Variants in MDM2 observed in about 807,000 individuals in gnomAD.
MDM2 encodes E3 ubiquitin-protein ligase Mdm2.
MDM2 carries 11 observed loss-of-function variants against 64.3 expected under a neutral mutation model. That is an observed-to-expected ratio of 0.17 (90% CI 0.11 to 0.28). The LOEUF (loss-of-function observed/expected upper bound fraction) is 0.28, where lower values mean the gene tolerates loss of function less well. Ranked by LOEUF, MDM2 falls within the 10% of genes least tolerant of loss-of-function variation. MDM2 has a pLI of 1.00. For synonymous variants in MDM2, 194 were observed against 192.9 expected, an observed-to-expected ratio of 1.01 and a Z score of -0.05; for missense variants, 388 against 577.1, an observed-to-expected ratio of 0.67 and a Z score of 3.36.
chr12:68,839,508 G>A lies in MDM2; in HGVS notation c.1153G>A (p.Asp385Asn), dbSNP rs769693191. 2 of 1,613,966 alleles carry A rather than the reference G, an allele frequency of 1.2e-6. No homozygotes were observed. The highest frequency in any genetic ancestry group is 4.5e-5 in the East Asian group (2 of 44,862). The stretch of plus-strand genomic sequence containing the variant: ...CAGAGAGTCATGTGTTGAGGAAAAT[G>A]ATGATAAAATTACACAAGCTTCACA... ...DSRESCVEEN[D>N]DKITQASQSQ... Residue 385 changes from aspartate to asparagine, a missense_variant, in exon 11 of 11, where the codon GAT (aspartate) becomes AAT (asparagine). Asp to Asn is a conservative substitution (Grantham distance 23, BLOSUM62 1). Around this residue, in one of 5 missense-constraint regions of MDM2, gnomAD observed 138 missense variants for 143.7 expected, o/e 0.96. Transcript: ENST00000258149.
chr12:68,834,317 C>G (rs779601429), intron 8 of MDM2, among the ~76,000 whole-genome samples: 4 of 152,146 alleles, frequency 2.6e-5, no homozygotes, highest in Non-Finnish European at 5.9e-5. Context: ...TAGTGGACAC[C>G]TGTAATCTCA....
intron 8 of MDM2, 44 bp from the exon 9 acceptor site, chr12:68,835,785 A>G (rs1883258494): frequency 6.3e-7 from 1 of 1,576,390 alleles, no homozygotes; most frequent in Non-Finnish European, 8.6e-7. Context: ...TACAGAGGTC[A>G]AGAGGTGATG....
intron 2 of MDM2, among the ~76,000 whole-genome samples, chr12:68,811,673 C>T (rs1202249409): frequency 7.1e-6 from 1 of 140,544 alleles, no homozygotes; most frequent in Non-Finnish European, 1.5e-5. Flanking sequence ...GGCATGATCT[C>T]GGCTCACTGC....
chr12:68,833,265 T>TTATATATTTATATAAATATAAATA (rs1275566750), intron 8 of MDM2, among the ~76,000 whole-genome samples: 45 of 52,474 alleles, frequency 8.6e-4, no homozygotes, highest in African/African-American at 2.1e-3. Context: ...ATTTATATAA[T>TTATATATTTATATAAATATAAATA]TATATATTTA....
intron 7 of MDM2, 97 bp downstream of exon 7, chr12:68,824,748 T>A: frequency 2.5e-6 from 2 of 800,636 alleles, no homozygotes; most frequent in Non-Finnish European, 4.0e-6. Context: ...TTGTTCCCTT[T>A]TTTTGGTTGA....
intron 8 of MDM2, among the ~76,000 whole-genome samples, chr12:68,829,765 CAA>C (rs10658881): frequency 1.7e-3 from 175 of 104,860 alleles, no homozygotes; most frequent in Admixed American, 3.5e-3. Flanking sequence ...GACTCCATCT[CAA>C]AAAAAAAAAA....
At position 68,843,295 on chromosome 12, in the gene MDM2, T is replaced by TGA. The variant is rs138844063; in HGVS notation, c.*3466_*3467dup. The stretch of plus-strand genomic sequence containing the variant: ...AGTACTAATCCCTTTGGCCATTTAT[T>TGA]GAGAGAGAGAGAGAGAGAGAGTAGG... On this transcript the variant is annotated 3_prime_UTR_variant, in exon 11 of 11. Transcript: ENST00000258149. 4.1e-3 allele frequency: 900 copies of TGA among 217,446 alleles called. No individual in the cohort carries two copies. Among genetic ancestry groups the TGA allele is most frequent in the Non-Finnish European group, 5.7e-3 (628 of 109,436 alleles). The allele number at this position is 217,446 out of a possible 1,614,324, so 13.5% of individuals were successfully genotyped here. A position where few individuals can be genotyped will look rare whatever the true frequency, so the allele number is the denominator to read the frequency against.
Position 68,824,450 on chromosome 12 carries a change from C to T in MDM2, c.426+20C>T, listed in dbSNP as rs143758848. On this transcript the variant is annotated intron_variant, in intron 6 of 10. Coordinates refer to ENST00000258149, the MANE Select transcript of MDM2 (RefSeq NM_002392.6). ...CAAAAGGTAATCTAAGTAAATTTCT[C>T]ATTCTAATGTAATATTATTTGCAAA... is the stretch of plus-strand genomic sequence containing the variant. The T allele has an allele frequency of 3.7e-6, 6 of 1,609,166 alleles. No homozygotes were observed. In the East Asian group the frequency reaches 1.1e-4, roughly 30 times the overall value.
At chr12:68,813,001 ATGTT>A (rs1881040724) in intron 2 of MDM2, among the ~76,000 whole-genome samples, 1 of 152,142 alleles carries the variant, frequency 6.6e-6, no homozygotes, top group South Asian at 2.1e-4. Context: ...AGCTCAATAA[ATGTT>A]TGTCAAGTAG....
At chr12:68,826,635 T>A in intron 7 of MDM2, among the ~76,000 whole-genome samples, 1 of 124,076 alleles carries the variant, frequency 8.1e-6, no homozygotes. Context: ...GGGTACAGAG[T>A]GAGACTCCCT....
chr12:68,826,345 C>T (rs886119229), intron 7 of MDM2, among the ~76,000 whole-genome samples: 1 of 151,798 alleles, frequency 6.6e-6, no homozygotes, highest in East Asian at 1.9e-4. Context: ...TTAAATTTTT[C>T]GGATTATAAA....
At position 68,820,521 on chromosome 12, in the gene MDM2, A is replaced by C; in HGVS notation, c.358+147A>C. The C allele has an allele frequency of 4.6e-6, 3 of 655,404 alleles. No homozygotes were observed. The South Asian group carries it at 5.6e-5, about 12-fold the overall frequency. 40.6% of individuals were successfully genotyped at this position (655,404 alleles called of 1,614,324 possible). Reference sequence around the variant, plus strand: ...ATAAAAGTATGATAAATTTATTAGAAGTACATATGAACTAAAACCACATAC... The same window carrying C: ...ATAAAAGTATGATAAATTTATTAGACGTACATATGAACTAAAACCACATAC... On this transcript the variant is annotated intron_variant, in intron 5 of 10. Coordinates refer to ENST00000258149, the MANE Select transcript of MDM2 (RefSeq NM_002392.6).
rs1883573043 is a variant in MDM2, at chr12:68,839,472, G to A, written c.1117G>A (p.Val373Met). 1 of 1,613,812 alleles carries A rather than the reference G, an allele frequency of 6.2e-7. No homozygotes were observed. The highest frequency in any genetic ancestry group is 1.1e-5 in the South Asian group (1 of 91,086). Residue 373 changes from valine (V) to methionine (M), a missense_variant, in exon 11 of 11, where the codon GTG becomes ATG. Val to Met is a conservative substitution (Grantham distance 21, BLOSUM62 1). This residue lies in a region of MDM2 where 138 missense variants were observed against 143.7 expected (regional missense o/e 0.96). Coordinates refer to ENST00000258149, the MANE Select transcript of MDM2 (RefSeq NM_002392.6). The stretch of plus-strand genomic sequence containing the variant: ...TGTTCCTGATTGTAAAAAAACTATA[G>A]TGAATGATTCCAGAGAGTCATGTGT... ...FDVPDCKKTIVNDSRESCVEE... is the reference protein window; with the variant it reads ...FDVPDCKKTIMNDSRESCVEE...
chr12:68,842,125 A>C lies in MDM2; in HGVS notation c.*2276A>C. 1 of 434,426 alleles carries C rather than the reference A, an allele frequency of 2.3e-6. No individual in the cohort carries two copies. The highest frequency in any genetic ancestry group is 3.5e-4 in the Middle Eastern group (1 of 2,892). 26.9% of individuals were successfully genotyped at this position (434,426 alleles called of 1,614,324 possible). On this transcript the variant is annotated 3_prime_UTR_variant, in exon 11 of 11. Transcript: ENST00000258149. The stretch of plus-strand genomic sequence containing the variant: ...TGAGCTTACAGTGGATTTGAATTTG[A>C]AAAATATAGTAACAAGCCTGTCAAA...
chr12:68,808,969 C>T (rs1880612201), intron 1 of MDM2: 3 of 1,411,196 alleles, frequency 2.1e-6, no homozygotes, highest in East Asian at 2.6e-5. Context: ...GGAGTTAAGT[C>T]CTGACTTGTC....
chr12:68,808,993 A>G (rs1051603150), intron 1 of MDM2: 16 of 1,444,534 alleles, frequency 1.1e-5, no homozygotes, highest in Middle Eastern at 2.6e-4. Context: ...AGCTGGGGCT[A>G]TTTAAACCAT....
chr12:68,812,379 G>A (rs527660978), intron 2 of MDM2, among the ~76,000 whole-genome samples: 14 of 152,356 alleles, frequency 9.2e-5, no homozygotes, highest in South Asian at 2.1e-4. Flanking sequence ...GAGGACCGGG[G>A]CATATTAAAG....
intron 8 of MDM2, among the ~76,000 whole-genome samples, chr12:68,831,748 C>G (rs1405770029): frequency 6.6e-6 from 1 of 151,964 alleles, no homozygotes; most frequent in African/African-American, 2.4e-5. Flanking sequence ...TAGTCCTGTC[C>G]TGCATTCTCT....
intron 5 of MDM2, 138 bp from the exon 6 acceptor site, chr12:68,824,225 T>C: frequency 1.7e-6 from 1 of 600,624 alleles, no homozygotes. Flanking sequence ...GGATGCCACC[T>C]GGAAAATACA....
Sources: allele counts gnomAD v4.1 joint callset (sites outside exome capture counted in the v4.1 genomes callset), GRCh38; gene constraint gnomAD v4.1.1; regional missense constraint gnomAD v4.1.1; transcripts MANE v1.5; gene names NCBI Gene and HGNC (gene_info 2026-07-23, HGNC 2026-07-21).